The following CTPS1 variants were observed in gnomAD, a reference collection of about 807,000 sequenced individuals.
CTPS1 encodes CTP synthase 1.
CTPS1 carries 25 observed loss-of-function variants against 80.5 expected under a neutral mutation model. The ratio of observed to expected loss-of-function variants is 0.31; its 90% CI spans 0.23 to 0.43. The LOEUF (loss-of-function observed/expected upper bound fraction) is 0.43. Among genes scored for constraint, CTPS1 ranks in the 20% least tolerant of loss-of-function variants. The pLI is 1.00. For synonymous variants in CTPS1, 267 were observed against 252.5 expected (o/e 1.06, Z -0.54); for missense variants, 442 against 725.7 (o/e 0.61, Z 4.49).
At chr1:40,982,834 T>G (rs1451297984) in intron 1 of CTPS1, among the ~76,000 whole-genome samples, 1 of 152,250 alleles carries the variant, frequency 6.6e-6, no homozygotes, top group African/African-American at 2.4e-5. Context: ...AAGACATTAT[T>G]TATTTCCTGG....
rs762480558 is a variant in CTPS1 at position 40,984,939 on chromosome 1, G to A, written c.285G>A (p.Gln95=). 3.7e-6 allele frequency: 6 copies of A among 1,601,348 alleles called. No homozygotes were observed. The highest frequency in any genetic ancestry group is 2.2e-5 in the East Asian group (1 of 44,460). The change falls in exon 3 of 19, where the codon CAG becomes CAA. Residue 95 remains glutamine (Q), a synonymous_variant. Transcript: ENST00000650070. The stretch of plus-strand genomic sequence containing the variant: ...ATCTGACCACTGGAAAGATATACCA[G>A]TATGTCATTAACAAGGAACGGAAAG... ...DNNLTTGKIY[Q]YVINKERKGD...
intron 5 of CTPS1, among the ~76,000 whole-genome samples, chr1:40,989,168 G>T (rs1364013326): frequency 6.6e-6 from 1 of 152,188 alleles, no homozygotes; most frequent in Non-Finnish European, 1.5e-5. Flanking sequence ...AGTGGGATGA[G>T]GGTGGGCCTC....
rs1450416670 is a variant in CTPS1, at chr1:40,991,760, G to A, written c.640-5G>A. Reference sequence around the variant, plus strand: ...TGTCTAAGCCATCTTGTTCTCTACTGCTAGGTTGTATGCAGGTGCTCAAAT... The same window carrying A: ...TGTCTAAGCCATCTTGTTCTCTACTACTAGGTTGTATGCAGGTGCTCAAAT... On this transcript the variant is annotated splice_region_variant and splice_polypyrimidine_tract_variant and intron_variant, in intron 6 of 18. Coordinates refer to ENST00000650070, the MANE Select transcript of CTPS1 (RefSeq NM_001905.4). The A allele has an allele frequency of 6.2e-7, 1 of 1,610,080 alleles. No individual in the cohort carries two copies. The highest frequency in any genetic ancestry group is 1.1e-5 in the South Asian group (1 of 90,988).
chr1:40,995,111 G>A (rs12749196), intron 7 of CTPS1, among the ~76,000 whole-genome samples: 15,754 of 152,202 alleles, frequency 0.1, 1,192 homozygotes, highest in East Asian at 0.27. Context: ...AGCTCTGAAT[G>A]ATTCCAATAT....
At chr1:40,991,705 G>C in intron 6 of CTPS1, 60 bp from the exon 7 acceptor site, 13 of 1,201,918 alleles carry the variant, frequency 1.1e-5, no homozygotes, top group Non-Finnish European at 1.6e-5. Flanking sequence ...TCAGTCAGGA[G>C]AAACCCCTAC....
chr1:41,006,030 A>G (rs1194023619), intron 12 of CTPS1, 21 bp from the exon 13 acceptor site: 1 of 1,596,930 alleles, frequency 6.3e-7, no homozygotes, highest in East Asian at 2.2e-5. Context: ...TATTTTCATA[A>G]CAAGTATTTT....
At chr1:40,992,981 C>T (rs975500474) in intron 7 of CTPS1, among the ~76,000 whole-genome samples, 3 of 148,504 alleles carry the variant, frequency 2.0e-5, no homozygotes, top group Non-Finnish European at 4.5e-5. Flanking sequence ...GGTGTGAGGG[C>T]GCCCGGCCTT....
At chr1:40,982,515 G>C (rs899981788) in intron 1 of CTPS1, among the ~76,000 whole-genome samples, 19 of 152,040 alleles carry the variant, frequency 1.2e-4, no homozygotes, top group Middle Eastern at 3.4e-3. Flanking sequence ...TCAGTCTCCT[G>C]AGTAACTGGG....
At chr1:40,995,438 G>T (rs1310371460) in intron 7 of CTPS1, among the ~76,000 whole-genome samples, 1 of 149,460 alleles carries the variant, frequency 6.7e-6, no homozygotes, top group African/African-American at 2.5e-5. Flanking sequence ...CTGTCACCCA[G>T]ACTGGAGTGC....
intron 14 of CTPS1, among the ~76,000 whole-genome samples, chr1:41,008,106 G>A (rs1193118032): frequency 6.6e-6 from 1 of 152,202 alleles, no homozygotes; most frequent in Non-Finnish European, 1.5e-5. Flanking sequence ...GGAGTCACTT[G>A]AGTATCGGAT....
At chr1:40,996,586 G>A (rs1315379495) in intron 8 of CTPS1, among the ~76,000 whole-genome samples, 1 of 152,190 alleles carries the variant, frequency 6.6e-6, no homozygotes, top group Non-Finnish European at 1.5e-5. Context: ...TTCACTTCGT[G>A]TCTTAGAGCA....
intron 4 of CTPS1, among the ~76,000 whole-genome samples, chr1:40,987,702 G>A (rs963468337): frequency 6.6e-6 from 1 of 152,142 alleles, no homozygotes. Context: ...CAATCACTTA[G>A]TACTGATTGT....
chr1:41,002,277 C>T lies in CTPS1; in HGVS notation c.1189+23C>T, dbSNP rs375940041. 177 of 1,596,158 alleles carry T rather than the reference C, an allele frequency of 1.1e-4. 3 individuals are homozygous for T. In the South Asian group the frequency reaches 1.4e-3, roughly 13 times the overall value. On this transcript the variant is annotated intron_variant, in intron 11 of 18. Coordinates refer to ENST00000650070, the MANE Select transcript of CTPS1 (RefSeq NM_001905.4). The stretch of plus-strand genomic sequence containing the variant: ...TGGGTAAGGAGCTCTGCAGTGCAGT[C>T]TTCACTTAAGAGTAGGAAAGAGTGG...
At chr1:40,997,223 TG>T in intron 8 of CTPS1, 170 bp from the exon 9 acceptor site, 2 of 687,170 alleles carry the variant, frequency 2.9e-6, no homozygotes, top group Non-Finnish European at 4.7e-6. Flanking sequence ...CTCCAACTCC[TG>T]GGCTCAAGAT....
intron 8 of CTPS1, 74 bp from the exon 9 acceptor site, chr1:40,997,320 G>A: frequency 1.3e-6 from 2 of 1,527,180 alleles, no homozygotes; most frequent in South Asian, 2.6e-5. Flanking sequence ...TTTTTCCCTT[G>A]AAATAGCTAT....
At chr1:40,983,228 T>C (rs768027664) in intron 1 of CTPS1, 50 bp from the exon 2 acceptor site, 1 of 1,503,006 alleles carries the variant, frequency 6.7e-7, no homozygotes, top group Admixed American at 1.9e-5. Flanking sequence ...CCAGATGAGT[T>C]TGGTTTGTTG....
rs536579323 is a variant in CTPS1, at chr1:41,012,170, T to C, written c.*522T>C. The C allele has an allele frequency of 6.6e-6, 1 of 152,276 alleles. No individual in the cohort carries two copies. Among genetic ancestry groups the C allele is most frequent in the South Asian group, 2.1e-4 (1 of 4,826 alleles). 9.4% of individuals were successfully genotyped at this position (152,276 alleles called of 1,614,324 possible). On this transcript the variant is annotated 3_prime_UTR_variant, in exon 19 of 19. Transcript: ENST00000650070. Reference sequence around the variant, plus strand: ...GCCCTGAGTTGGGGGGAATTCTCAGTGCCAACTGTGGCTGGTCCTCATTCA... The same window carrying C: ...GCCCTGAGTTGGGGGGAATTCTCAGCGCCAACTGTGGCTGGTCCTCATTCA...
Position 41,007,624 on chromosome 1 carries a change from G to A in CTPS1, c.1393+79G>A, listed in dbSNP as rs933294975. The A allele has an allele frequency of 8.1e-6, 10 of 1,238,234 alleles. No individual in the cohort carries two copies. The highest frequency in any genetic ancestry group is 1.2e-5 in the South Asian group (1 of 81,110). The allele number at this position is 1,238,234 out of a possible 1,614,324, so 76.7% of individuals were successfully genotyped here. On this transcript the variant is annotated intron_variant, in intron 14 of 18. Transcript: ENST00000650070. The surrounding 1 kb of genome is among the most constrained non-coding windows in gnomAD (Gnocchi z 4.4). The stretch of plus-strand genomic sequence containing the variant: ...TGTCTTAGGGTGATGCTGTGGCTTC[G>A]AGGAGCAGGCTGGCTTTTTTTGGTT...
Position 41,009,530 on chromosome 1 carries a change from C to T in CTPS1, c.1632C>T (p.Leu544=), listed in dbSNP as rs1643116718. The part of the protein sequence containing the change: ...IKPSPPYFGL[L]LASVGRLSHY... ...CCTCCCCACCATACTTTGGCCTCCT[C>T]CTGGCCTCTGTGGGGCGGCTCTCAC... The change falls in exon 17 of 19, where the codon CTC becomes CTT. Residue 544 remains leucine (L), a synonymous_variant. Coordinates refer to ENST00000650070, the MANE Select transcript of CTPS1 (RefSeq NM_001905.4). 3.1e-6 allele frequency: 5 copies of T among 1,614,182 alleles called. No homozygotes were observed. Among genetic ancestry groups the T allele is most frequent in the Middle Eastern group, 1.6e-4 (1 of 6,062 alleles).
Sources: gnomAD v4.1 joint callset for allele counts (sites outside exome capture counted in the v4.1 genomes callset) on GRCh38, gnomAD v4.1.1 for gene constraint, Gnocchi (gnomAD v3.1) non-coding constraint, MANE v1.5 for transcripts, NCBI Gene and HGNC (gene_info 2026-07-23, HGNC 2026-07-21) for gene names.